Variants in SSH2 observed in about 807,000 individuals in gnomAD.
SSH2 encodes protein phosphatase Slingshot homolog 2.
Under a neutral mutation model 135.2 loss-of-function variants are expected in SSH2, and 37 were observed. The ratio of observed to expected loss-of-function variants is 0.27; its 90% CI spans 0.21 to 0.36. The LOEUF (loss-of-function observed/expected upper bound fraction) is 0.36. Among genes scored for constraint, SSH2 ranks in the 10% least tolerant of loss-of-function variants. The pLI, the probability that SSH2 is intolerant of heterozygous loss-of-function variation, is 1.00. For synonymous variants in SSH2, 628 were observed against 646.2 expected (o/e 0.97, Z 0.43); for missense variants, 1,408 against 1,765.3 (o/e 0.80, Z 3.63).
Position 29,631,373 on chromosome 17 carries a change from C to T in SSH2, c.3821G>A (p.Gly1274Glu). The T allele has an allele frequency of 6.2e-7, 1 of 1,614,054 alleles. No individual in the cohort carries two copies. The highest frequency in any genetic ancestry group is 8.5e-7 in the Non-Finnish European group (1 of 1,180,008). ...CCTCATTTGGGATGGTTTGGTGAGC[C>T]CTGCCTGGAAAACCACTCGAGACTC... ...EIESRVVFQA[G>E]LTKPSQMRRS... The change falls in exon 16 of 16, where the codon GGG (glycine) becomes GAG (glutamate). Residue 1274 changes from glycine (G) to glutamate (E), a missense_variant. This residue lies in a region of SSH2 where 1,080 missense variants were observed against 1,144.5 expected (regional missense o/e 0.94). Transcript: ENST00000540801.
In SSH2 at chr17:29,738,294, A is replaced by G. The variant is rs549565952; in HGVS notation, c.189-35232T>C. Reference sequence around the variant, plus strand: ...ATGGCTGCATAGTATTCCATGGTGTATATGTGCCACATTTTCTTAATCCAG... The same window carrying G: ...ATGGCTGCATAGTATTCCATGGTGTGTATGTGCCACATTTTCTTAATCCAG... On this transcript the variant is annotated intron_variant, in intron 3 of 15. Transcript: ENST00000540801. Among the ~76,000 whole-genome samples the G allele has an allele frequency of 5.4e-3, 826 of 152,226 alleles. 7 individuals carry two copies. The highest frequency in any genetic ancestry group is 0.01 in the Middle Eastern group (3 of 294).
chr17:29,715,714 T>C (rs2039600835), intron 3 of SSH2, among the ~76,000 whole-genome samples: 1 of 152,214 alleles, frequency 6.6e-6, no homozygotes, highest in South Asian at 2.1e-4. Flanking sequence ...ACTAAATAAA[T>C]GTTTAGCAAT....
chr17:29,888,929 C>A (rs2066291583), intron 1 of SSH2, among the ~76,000 whole-genome samples: 1 of 35,958 alleles, frequency 2.8e-5, no homozygotes. Flanking sequence ...GAGACACTAT[C>A]TCAAAAAAAA....
intron 1 of SSH2, among the ~76,000 whole-genome samples, chr17:29,868,895 C>T (rs2065898662): frequency 6.6e-6 from 1 of 152,062 alleles, no homozygotes; most frequent in Non-Finnish European, 1.5e-5. Flanking sequence ...TGGAAAATAA[C>T]CTAGAAAAGT....
intron 2 of SSH2, among the ~76,000 whole-genome samples, chr17:29,826,237 T>TG (rs2042742040): frequency 6.6e-6 from 1 of 152,130 alleles, no homozygotes; most frequent in Admixed American, 6.6e-5. Flanking sequence ...CTGGTCACTG[T>TG]GACAGGGAAA....
intron 8 of SSH2, chr17:29,676,423 G>A (rs60035093): frequency 0.014 from 2,232 of 164,786 alleles, 57 homozygotes; most frequent in African/African-American, 0.051. Flanking sequence ...GCAACAGAGT[G>A]AGGCTTCGTC....
intron 6 of SSH2, among the ~76,000 whole-genome samples, chr17:29,679,632 CCAACCTCAGG>C (rs2037883037): frequency 6.6e-6 from 1 of 152,032 alleles, no homozygotes; most frequent in African/African-American, 2.4e-5. Context: ...TCTTGAACTC[CCAACCTCAGG>C]TGATCCACCC....
chr17:29,671,483 T>TA (rs939589421), intron 9 of SSH2, among the ~76,000 whole-genome samples: 4 of 148,646 alleles, frequency 2.7e-5, no homozygotes, highest in East Asian at 2.0e-4. Context: ...TCCTGTCTCT[T>TA]AAAAAAAAAA....
intron 1 of SSH2, among the ~76,000 whole-genome samples, chr17:29,894,166 G>A (rs2066401054): frequency 6.6e-6 from 1 of 152,026 alleles, no homozygotes; most frequent in African/African-American, 2.4e-5. Flanking sequence ...TTTATAAAAT[G>A]AGAATAATAA....
chr17:29,709,850 G>A (rs2039372942), intron 3 of SSH2, among the ~76,000 whole-genome samples: 2 of 152,190 alleles, frequency 1.3e-5, no homozygotes, highest in Admixed American at 1.3e-4. Flanking sequence ...AGTAGAGCAA[G>A]TTGTAATATC....
intron 1 of SSH2, chr17:29,864,034 G>C (rs954033971): frequency 6.6e-6 from 1 of 152,140 alleles, no homozygotes; most frequent in Admixed American, 6.5e-5. Flanking sequence ...GCTGGGCGCG[G>C]TGGCTCACGC....
chr17:29,709,388 G>C (rs1161954549), intron 3 of SSH2, among the ~76,000 whole-genome samples: 4 of 152,126 alleles, frequency 2.6e-5, no homozygotes, highest in African/African-American at 9.7e-5. Flanking sequence ...TAAAAGTAGA[G>C]TACAGGGGCT....
chr17:29,788,733 AG>A (rs1449724639), intron 3 of SSH2, among the ~76,000 whole-genome samples: 1 of 151,806 alleles, frequency 6.6e-6, no homozygotes, highest in Non-Finnish European at 1.5e-5. Context: ...TGACTAATAC[AG>A]ATATTGGTCC....
intron 1 of SSH2, among the ~76,000 whole-genome samples, chr17:29,869,293 G>T (rs1170200507): frequency 6.6e-6 from 1 of 152,194 alleles, no homozygotes; most frequent in Admixed American, 6.5e-5. Context: ...AGGGACTTCA[G>T]TAATCAAGGA....
chr17:29,913,978 C>T (rs2066835338), intron 1 of SSH2, among the ~76,000 whole-genome samples: 1 of 152,082 alleles, frequency 6.6e-6, no homozygotes. Flanking sequence ...CAATATAAAA[C>T]CACAGCATCT....
chr17:29,866,195 TGAAAACA>T, intron 1 of SSH2: 1 of 150,990 alleles, frequency 6.6e-6, no homozygotes, highest in Non-Finnish European at 1.5e-5. Flanking sequence ...ATCAATTAAC[TGAAAACA>T]AGCAGTACAA....
rs537259790 is a variant in SSH2, at chr17:29,640,171, C to CG, written c.1428-3370dup. Among the ~76,000 whole-genome samples, 6 of 152,050 alleles carry CG rather than the reference C, an allele frequency of 3.9e-5. No homozygotes were observed. In the South Asian group the frequency reaches 1.2e-3, roughly 32 times the overall value. On this transcript the variant is annotated intron_variant, in intron 14 of 15. Coordinates refer to ENST00000540801, the MANE Select transcript of SSH2 (RefSeq NM_001282129.2). Reference sequence around the variant, plus strand: ...TCGGCTCACTGCAAGCTCCACTTCCCGGGTTCACGCCATTCTCCTGCCTCA... The same window carrying CG: ...TCGGCTCACTGCAAGCTCCACTTCCCGGGGTTCACGCCATTCTCCTGCCTCA...
chr17:29,927,505 T>C (rs1433429277), intron 1 of SSH2, among the ~76,000 whole-genome samples: 1 of 152,176 alleles, frequency 6.6e-6, no homozygotes, highest in African/African-American at 2.4e-5. Flanking sequence ...AAGTGATTAA[T>C]AAAAAAATGT....
chr17:29,702,610 G>A (rs950468391), intron 4 of SSH2, among the ~76,000 whole-genome samples: 33 of 152,054 alleles, frequency 2.2e-4, no homozygotes, highest in African/African-American at 4.6e-4. Context: ...ATCTGGGATC[G>A]TGCCACTGCA....
Sources: allele counts gnomAD v4.1 joint callset (sites outside exome capture counted in the v4.1 genomes callset), GRCh38; gene constraint gnomAD v4.1.1; regional missense constraint gnomAD v4.1.1; transcripts MANE v1.5; gene names NCBI Gene and HGNC (gene_info 2026-07-23, HGNC 2026-07-21).